The following PCTP variants were observed in gnomAD, a reference collection of about 807,000 sequenced individuals.
PCTP encodes the protein phosphatidylcholine transfer protein.
Under a neutral mutation model 31.0 loss-of-function variants are expected in PCTP, and 27 were observed. The observed-to-expected ratio is 0.87, with a 90% CI of 0.64 to 1.20. PCTP has a LOEUF of 1.20. Ranked by LOEUF, PCTP falls within the 50% of genes most tolerant of loss-of-function variation. The pLI is 0.00. For synonymous variants in PCTP, 108 were observed against 101.2 expected (o/e 1.07, Z -0.40); for missense variants, 287 against 268.2 (o/e 1.07, Z -0.49).
rs1910980897 is a variant in PCTP, at chr17:55,771,167, T to C, written c.321T>C (p.Phe107=). 2 of 1,610,778 alleles carry C rather than the reference T, an allele frequency of 1.2e-6. No individual in the cohort carries two copies. The highest frequency in any genetic ancestry group is 1.7e-5 in the Admixed American group (1 of 59,998). ...TVVYWEVKYP[F]PMSNRDYVYL... The stretch of plus-strand genomic sequence containing the variant: ...TCTACTGGGAAGTGAAGTACCCTTT[T>C]CCCATGTCCAACAGAGACGTATCCT... The change falls in exon 3 of 6, where the codon TTT becomes TTC. Residue 107 remains phenylalanine (F), a synonymous_variant. Coordinates refer to ENST00000268896, the MANE Select transcript of PCTP (RefSeq NM_021213.4).
At chr17:55,783,919 G>T (rs1341767240) in intron 2 of PCTP, among the ~76,000 whole-genome samples, 1 of 152,190 alleles carries the variant, frequency 6.6e-6, no homozygotes, top group Admixed American at 6.5e-5. Context: ...ATTTTAGTTT[G>T]TAACTTGATG....
chr17:55,808,179 A>T (rs960241450), intron 3 of PCTP, among the ~76,000 whole-genome samples: 4 of 152,208 alleles, frequency 2.6e-5, no homozygotes, highest in African/African-American at 9.6e-5. Context: ...TATTAGACCA[A>T]GGTTTGGAAC....
chr17:55,782,552 T>C (rs896212800), intron 2 of PCTP, among the ~76,000 whole-genome samples: 12 of 152,198 alleles, frequency 7.9e-5, no homozygotes, highest in African/African-American at 2.9e-4. Context: ...GTGCTTAAGG[T>C]AACTTGGCTA....
intron 5 of PCTP, among the ~76,000 whole-genome samples, chr17:55,833,242 T>C (rs1598022499): frequency 6.7e-6 from 1 of 150,138 alleles, no homozygotes; most frequent in South Asian, 2.1e-4. Context: ...TGAGACCCAA[T>C]AGACGTTCCA....
chr17:55,849,360 TG>T, the PCTP span, among the ~76,000 whole-genome samples: 1 of 152,186 alleles, frequency 6.6e-6, no homozygotes, highest in African/African-American at 2.4e-5. Flanking sequence ...CGGTGGCTCA[TG>T]CCTGTAATTC....
At chr17:55,819,823 A>G (rs1913055502) in intron 3 of PCTP, among the ~76,000 whole-genome samples, 1 of 152,262 alleles carries the variant, frequency 6.6e-6, no homozygotes, top group Admixed American at 6.5e-5. Flanking sequence ...GGATTGATAT[A>G]TAAATCAATA....
chr17:55,801,762 G>A (rs545513820), intron 3 of PCTP, among the ~76,000 whole-genome samples: 1 of 152,150 alleles, frequency 6.6e-6, no homozygotes, highest in East Asian at 1.9e-4. Flanking sequence ...GGAGAAAGTG[G>A]GCAAGATCTA....
At chr17:55,816,563 C>T (rs1025942614) in intron 3 of PCTP, among the ~76,000 whole-genome samples, 2 of 152,190 alleles carry the variant, frequency 1.3e-5, no homozygotes, top group Admixed American at 6.5e-5. Flanking sequence ...TTACCCATGG[C>T]GTGTTAATGG....
chr17:55,790,182 C>G (rs1292044825), intron 3 of PCTP, among the ~76,000 whole-genome samples: 3 of 152,112 alleles, frequency 2.0e-5, no homozygotes, highest in African/African-American at 7.2e-5. Context: ...CTGTGACAAA[C>G]CCACAGCCAA....
intron 5 of PCTP, chr17:55,775,286 T>A: frequency 8.1e-7 from 1 of 1,229,600 alleles, no homozygotes; most frequent in Non-Finnish European, 1.0e-6. Flanking sequence ...TGTTGCCCTT[T>A]TTTTTTTTTC....
chr17:55,843,142 T>C (rs1263908949), downstream of PCTP, among the ~76,000 whole-genome samples: 1 of 152,126 alleles, frequency 6.6e-6, no homozygotes, highest in African/African-American at 2.4e-5. Context: ...TTCTAACTAC[T>C]TGTCATATTA....
At chr17:55,758,684 C>T (rs1021085620) in intron 1 of PCTP, among the ~76,000 whole-genome samples, 4 of 152,216 alleles carry the variant, frequency 2.6e-5, no homozygotes, top group Non-Finnish European at 4.4e-5. Context: ...TGGCATTCTA[C>T]TTCCCACCAT....
chr17:55,828,003 T>C (rs112650725), downstream of PCTP, among the ~76,000 whole-genome samples: 473 of 152,276 alleles, frequency 3.1e-3, 2 homozygotes, highest in African/African-American at 0.01. Flanking sequence ...AGGGTGTATA[T>C]TAATATAGTG....
rs1347237769 is a variant in PCTP at position 55,751,221 on chromosome 17, A to G, written c.118A>G (p.Ser40Gly). Reference sequence around the variant, plus strand: ...GCTCCTAGTGGAGACCTCGGGCATCAGCATCTACCGGCTGCTGGACAAGGT... The same window carrying G: ...GCTCCTAGTGGAGACCTCGGGCATCGGCATCTACCGGCTGCTGGACAAGGT... ...WQLLVETSGI[S>G]IYRLLDKKTG... Residue 40 changes from serine to glycine, a missense_variant, in exon 1 of 6, where the codon AGC (serine) becomes GGC (glycine). By Grantham distance (56) the Ser-to-Gly change is moderately conservative (BLOSUM62 0). Transcript: ENST00000268896. 4 of 1,543,526 alleles carry G rather than the reference A, an allele frequency of 2.6e-6. No individual in the cohort carries two copies. The highest frequency in any genetic ancestry group is 2.8e-5 in the African/African-American group (2 of 72,554).
chr17:55,836,527 T>C (rs1273806559), intron 5 of PCTP, among the ~76,000 whole-genome samples: 1 of 152,210 alleles, frequency 6.6e-6, no homozygotes, highest in Non-Finnish European at 1.5e-5. Flanking sequence ...CTAACGCATA[T>C]TCTTTGCAGA....
chr17:55,775,181 T>C, intron 5 of PCTP: 1 of 1,227,184 alleles, frequency 8.1e-7, no homozygotes, highest in Non-Finnish European at 1.0e-6. Flanking sequence ...CTTTGGAGCC[T>C]ATATTCCTCT....
At chr17:55,818,250 A>AT (rs34076936) in intron 3 of PCTP, among the ~76,000 whole-genome samples, 3,598 of 152,226 alleles carry the variant, frequency 0.024, 137 homozygotes, top group African/African-American at 0.075. Flanking sequence ...GTAGGCATGT[A>AT]TTTTTTGAAA....
downstream of PCTP, among the ~76,000 whole-genome samples, chr17:55,843,231 A>G (rs1906041094): frequency 1.3e-5 from 2 of 151,984 alleles, no homozygotes; most frequent in Non-Finnish European, 2.9e-5. Context: ...TCTAGTCTTG[A>G]TCTTGTTTGT....
chr17:55,843,915 A>G (rs1007411241), downstream of PCTP, among the ~76,000 whole-genome samples: 2 of 152,190 alleles, frequency 1.3e-5, no homozygotes, highest in African/African-American at 4.8e-5. Flanking sequence ...CAATCATTAC[A>G]CTAATGTCAG....
Sources: gnomAD v4.1 joint callset for allele counts (sites outside exome capture counted in the v4.1 genomes callset) on GRCh38, gnomAD v4.1.1 for gene constraint, MANE v1.5 for transcripts, NCBI Gene and HGNC (gene_info 2026-07-23, HGNC 2026-07-21) for gene names.